Variants in MUC3A observed in about 807,000 individuals in gnomAD.
MUC3A encodes the protein mucin-3A.
In MUC3A, 109 loss-of-function variants were observed where a neutral mutation model predicts 109.0. The observed-to-expected ratio is 1.00, with a 90% CI of 0.86 to 1.17. The LOEUF is 1.17. Among genes scored for constraint, MUC3A ranks in the 50% most tolerant of loss-of-function variants. The pLI is 0.00. For synonymous variants in MUC3A, 1,398 were observed against 981.4 expected (o/e 1.42, Z -7.93); for missense variants, 3,537 against 2,469.4 (o/e 1.43, Z -9.16).
intron 3 of MUC3A, among the ~76,000 whole-genome samples, chr7:100,961,888 G>A (rs11768688): frequency 2.6e-5 from 4 of 151,342 alleles, no homozygotes; most frequent in Admixed American, 6.6e-5. Context: ...AGGGAGTATC[G>A]CTTGAGGCGA....
rs1363725126 is a variant in MUC3A at position 100,966,378 on chromosome 7, T to C, written c.9612-8T>C. ...GTGAAGAGGGTCTGACCCTGCGATC[T>C]CCCGCAGCTGCTACTCCACCGACAC... On this transcript the variant is annotated splice_polypyrimidine_tract_variant and splice_region_variant and intron_variant, in intron 8 of 11. Coordinates refer to ENST00000379458, the MANE Select transcript of MUC3A (RefSeq NM_005960.2). 3.0e-6 allele frequency: 4 copies of C among 1,324,992 alleles called. No individual in the cohort carries two copies. The African/African-American group carries it at 4.5e-5, about 15-fold the overall frequency. 82.1% of individuals were successfully genotyped at this position (1,324,992 alleles called of 1,614,324 possible).
In MUC3A at chr7:100,966,701, G is replaced by A. The variant is rs778711620; in HGVS notation, c.9835G>A (p.Val3279Met). ...GTTCGAGACCTGGGATGAGGAAGTC[G>A]TGGGCACTTTTTCAAACTGGGGTTT... ...KWFETWDEEVVGTFSNWGFED... is the reference protein window; with the variant it reads ...KWFETWDEEVMGTFSNWGFED... Residue 3279 changes from valine to methionine, a missense_variant, in exon 10 of 12, where the codon GTG becomes ATG. Val to Met is a conservative substitution (Grantham distance 21). Coordinates refer to ENST00000379458, the MANE Select transcript of MUC3A (RefSeq NM_005960.2). 2 of 1,598,436 alleles carry A rather than the reference G, an allele frequency of 1.3e-6. No homozygotes were observed. The highest frequency in any genetic ancestry group is 2.7e-5 in the African/African-American group (2 of 74,962).
chr7:100,961,659 C>G (rs951478396), intron 3 of MUC3A, among the ~76,000 whole-genome samples: 1 of 150,470 alleles, frequency 6.6e-6, no homozygotes, highest in African/African-American at 2.5e-5. Context: ...GAAACTGTCT[C>G]TACTATTAGT....
chr7:100,958,896 C>T lies in MUC3A; in HGVS notation c.7117C>T (p.Pro2373Ser), dbSNP rs1312987413. The T allele has an allele frequency of 6.3e-7, 1 of 1,593,926 alleles. No homozygotes were observed. Among genetic ancestry groups the T allele is most frequent in the Non-Finnish European group, 8.5e-7 (1 of 1,177,068 alleles). The change falls in exon 2 of 12, where the codon CCC becomes TCC. Residue 2373 changes from proline to serine, a missense_variant. Pro to Ser is a moderately conservative substitution (Grantham distance 74, BLOSUM62 -1). Transcript: ENST00000379458. The part of the protein sequence containing the change: ...TTTETTSHST[P>S]SFSSSITTTE... ...CACCGAGACCACCTCACACAGTACTCCCAGCTTCAGTTCTTCAATCACCAC... is the reference window on the plus strand; with the variant it reads ...CACCGAGACCACCTCACACAGTACTTCCAGCTTCAGTTCTTCAATCACCAC...
intron 4 of MUC3A, among the ~76,000 whole-genome samples, 182 bp from the exon 5 acceptor site, chr7:100,963,506 C>G (rs544922945): frequency 6.6e-6 from 1 of 152,306 alleles, no homozygotes; most frequent in African/African-American, 2.4e-5. Context: ...AGACTGGTCT[C>G]GAACTACTGA....
chr7:100,952,399 C>G lies in MUC3A; in HGVS notation c.620C>G (p.Ser207Cys), dbSNP rs1331791664. 4 of 1,598,550 alleles carry G rather than the reference C, an allele frequency of 2.5e-6. No individual in the cohort carries two copies. In the South Asian group the frequency reaches 4.4e-5, roughly 18 times the overall value. Reference sequence around the variant, plus strand: ...CCCATAGTGACAGTGACACCCTCCTCTGTGTCAGCCACAGACACAACCTTC... The same window carrying G: ...CCCATAGTGACAGTGACACCCTCCTGTGTGTCAGCCACAGACACAACCTTC... The part of the protein sequence containing the change: ...ETPIVTVTPS[S>C]VSATDTTFHT... Residue 207 changes from serine to cysteine, a missense_variant, in exon 2 of 12, where the codon TCT becomes TGT. Physicochemically the swap from Ser to Cys is moderately radical, Grantham distance 112 (BLOSUM62 -1). Coordinates refer to ENST00000379458, the MANE Select transcript of MUC3A (RefSeq NM_005960.2).
chr7:100,959,236 C>T lies in MUC3A; in HGVS notation c.7457C>T (p.Thr2486Ile), dbSNP rs1792226407. 2 of 1,598,168 alleles carry T rather than the reference C, an allele frequency of 1.3e-6. No individual in the cohort carries two copies. The highest frequency in any genetic ancestry group is 1.1e-5 in the South Asian group (1 of 91,048). ...TCTTCTCTGAGTACAGACATCCCGA[C>T]CACAAGCCTACGAACTCTCACCCCT... ...TPSSLSTDIP[T>I]TSLRTLTPSS... The change falls in exon 2 of 12, where the codon ACC (threonine) becomes ATC (isoleucine). Residue 2486 changes from threonine (T) to isoleucine (I), a missense_variant. Physicochemically the swap from Thr to Ile is moderately conservative, Grantham distance 89. Transcript: ENST00000379458.
Position 100,961,612 on chromosome 7 carries a change from G to T in MUC3A, c.9052+675G>T, listed in dbSNP as rs1584808388. Among the ~76,000 whole-genome samples, 4 of 152,424 alleles carry T rather than the reference G, an allele frequency of 2.6e-5. No individual in the cohort carries two copies. In the South Asian group the frequency reaches 8.3e-4, roughly 32 times the overall value. On this transcript the variant is annotated intron_variant, in intron 3 of 11. Transcript: ENST00000379458. Reference sequence around the variant, plus strand: ...GGAGGCTGAGGGGGTAGGATCACCTGAGGTCAGGAGTTGGAGACTAGCCTG... The same window carrying T: ...GGAGGCTGAGGGGGTAGGATCACCTTAGGTCAGGAGTTGGAGACTAGCCTG...
At chr7:100,966,049 T>TCGCCCTCAAGTGTAGCCCCGCCTCC in intron 8 of MUC3A, 183 bp downstream of exon 8, 1 of 855,046 alleles carries the variant, frequency 1.2e-6, no homozygotes, top group Non-Finnish European at 1.7e-6. Context: ...GCTCTGCTCC[T>TCGCCCTCAAGTGTAGCCCCGCCTCC]TTGATGGGGT....
Position 100,967,475 on chromosome 7 carries a change from CAT to C in MUC3A, c.*315_*316del, listed in dbSNP as rs1199779410. ...GCTCACGCCGTTGTTGTGAAAACCA[CAT>C]AGACTTGGTCAATTCTCGGTCCTAC... On this transcript the variant is annotated 3_prime_UTR_variant, in exon 12 of 12. Coordinates refer to ENST00000379458, the MANE Select transcript of MUC3A (RefSeq NM_005960.2). 1.7e-6 allele frequency: 1 copy of C among 575,546 alleles called. No homozygotes were observed. The highest frequency in any genetic ancestry group is 3.1e-6 in the Non-Finnish European group (1 of 324,146). The allele number at this position is 575,546 out of a possible 1,614,324, so 35.7% of individuals were successfully genotyped here.
At position 100,967,260 on chromosome 7, in the gene MUC3A, C is replaced by G; in HGVS notation, c.*98C>G. 2 of 1,546,198 alleles carry G rather than the reference C, an allele frequency of 1.3e-6. No individual in the cohort carries two copies. Among genetic ancestry groups the G allele is most frequent in the Non-Finnish European group, 1.7e-6 (2 of 1,144,782 alleles). On this transcript the variant is annotated 3_prime_UTR_variant, in exon 12 of 12. Transcript: ENST00000379458. ...GAGGTGGCCCCAGGACGCGGGCAGC[C>G]CAGGCTCCTGCTGTTCTTGGGCAAG...
In MUC3A at chr7:100,965,874, C is replaced by T. The variant is rs917608002; in HGVS notation, c.9611+8C>T. ...GAGCGGTCCCACGTGTCGGTAAGGC[C>T]CCGCTCACCATCGGCATCAGCCGAG... On this transcript the variant is annotated splice_region_variant and intron_variant, in intron 8 of 11. Coordinates refer to ENST00000379458, the MANE Select transcript of MUC3A (RefSeq NM_005960.2). 4.4e-6 allele frequency: 7 copies of T among 1,588,944 alleles called. No homozygotes were observed. In the African/African-American group the frequency reaches 5.3e-5, roughly 12 times the overall value.
At chr7:100,965,024 C>T in intron 6 of MUC3A, 181 bp downstream of exon 6, 1 of 1,143,962 alleles carries the variant, frequency 8.7e-7, no homozygotes, top group Non-Finnish European at 1.2e-6. Context: ...CTCCCCGTGA[C>T]CTCGGTACTG....
Position 100,959,662 on chromosome 7 carries a change from A to G in MUC3A, c.7883A>G (p.Gln2628Arg). 1.3e-6 allele frequency: 2 copies of G among 1,598,534 alleles called. No homozygotes were observed. Among genetic ancestry groups the G allele is most frequent in the East Asian group, 4.5e-5 (2 of 44,892 alleles). The change falls in exon 2 of 12, where the codon CAG becomes CGG. Residue 2628 changes from glutamine to arginine, a missense_variant. By Grantham distance (43) the Gln-to-Arg change is conservative (BLOSUM62 1). Transcript: ENST00000379458. ...TTGAGCACGATCGTGTCAACATCAC[A>G]GGTTCCTATTCCTAGCACACATTCC... Reference protein sequence around the residue: ...TALSTIVSTSQVPIPSTHSST... With the variant: ...TALSTIVSTSRVPIPSTHSST...
chr7:100,961,557 GTGGCTCACACC>G (rs1489937496), intron 3 of MUC3A, among the ~76,000 whole-genome samples: 4 of 152,312 alleles, frequency 2.6e-5, no homozygotes, highest in African/African-American at 9.6e-5. Context: ...GCCGGGCGGG[GTGGCTCACACC>G]TGTAATCCCA....
intron 1 of MUC3A, among the ~76,000 whole-genome samples, chr7:100,950,147 T>A (rs1192729752): frequency 6.6e-6 from 1 of 152,288 alleles, no homozygotes; most frequent in African/African-American, 2.4e-5. Flanking sequence ...GTCTCGGTCC[T>A]CTGGTTTCAG....
intron 8 of MUC3A, chr7:100,966,160 G>C: frequency 5.7e-6 from 3 of 527,600 alleles, no homozygotes. Flanking sequence ...CCTCCTTCTA[G>C]GGTGGAGCCC....
chr7:100,964,865 G>A, intron 6 of MUC3A, 22 bp downstream of exon 6: 2 of 1,588,430 alleles, frequency 1.3e-6, no homozygotes, highest in Non-Finnish European at 1.7e-6. Flanking sequence ...CTGGAGGGAG[G>A]GGCCAGGGCC....
chr7:100,959,241 A>G lies in MUC3A; in HGVS notation c.7462A>G (p.Ser2488Gly). Reference sequence around the variant, plus strand: ...TCTGAGTACAGACATCCCGACCACAAGCCTACGAACTCTCACCCCTTCGTC... The same window carrying G: ...TCTGAGTACAGACATCCCGACCACAGGCCTACGAACTCTCACCCCTTCGTC... ...SSLSTDIPTT[S>G]LRTLTPSSVG... Residue 2488 changes from serine (S) to glycine (G), a missense_variant, in exon 2 of 12, where the codon AGC becomes GGC. Transcript: ENST00000379458. 1.4e-6 allele frequency: 2 copies of G among 1,393,398 alleles called. No individual in the cohort carries two copies. The highest frequency in any genetic ancestry group is 2.0e-6 in the Non-Finnish European group (2 of 1,025,310). 86.3% of individuals were successfully genotyped at this position (1,393,398 alleles called of 1,614,324 possible). A position where few individuals can be genotyped will look rare whatever the true frequency, so the allele number is the denominator to read the frequency against.
Sources: gnomAD v4.1 joint callset for allele counts (sites outside exome capture counted in the v4.1 genomes callset) on GRCh38, gnomAD v4.1.1 for gene constraint, MANE v1.5 for transcripts, NCBI Gene and HGNC (gene_info 2026-07-23, HGNC 2026-07-21) for gene names.